Variants in GAD2 observed in about 807,000 individuals in gnomAD.
GAD2 encodes 65 kDa glutamic acid decarboxylase.
In GAD2, 22 loss-of-function variants were observed where a neutral mutation model predicts 80.1. That is an observed-to-expected ratio of 0.27 (90% CI 0.20 to 0.39). The LOEUF is 0.39. Among genes scored for constraint, GAD2 ranks in the 10% least tolerant of loss-of-function variants. GAD2 has a pLI of 1.00. For missense variants in GAD2, 624 were observed against 738.4 expected (o/e 0.85, Z 1.80); for synonymous variants, 274 against 256.9 (o/e 1.07, Z -0.64).
intron 13 of GAD2, among the ~76,000 whole-genome samples, chr10:26,292,200 T>C (rs941629919): frequency 3.3e-5 from 5 of 152,140 alleles, no homozygotes; most frequent in African/African-American, 1.2e-4. Context: ...TCCTCTTGAG[T>C]AGTCAAACTA....
intron 7 of GAD2, among the ~76,000 whole-genome samples, 187 bp from the exon 8 acceptor site, chr10:26,245,734 G>A (rs1180553573): frequency 1.3e-5 from 2 of 152,076 alleles, no homozygotes; most frequent in Non-Finnish European, 2.9e-5. Flanking sequence ...GAGCCACCAC[G>A]CCCAGCTGTT....
chr10:26,292,846 G>T, intron 14 of GAD2, 56 bp from the exon 15 acceptor site: 1 of 1,400,544 alleles, frequency 7.1e-7, no homozygotes. Flanking sequence ...AATGTTCTTG[G>T]AATTTTCAAA....
chr10:26,220,418 C>CT (rs1226400342), intron 4 of GAD2, among the ~76,000 whole-genome samples: 2 of 152,082 alleles, frequency 1.3e-5, no homozygotes, highest in Non-Finnish European at 2.9e-5. Flanking sequence ...AAGTTTAGTT[C>CT]TTTTTTTCTT....
At position 26,280,479 on chromosome 10, in the gene GAD2, G is replaced by A. The variant is rs181296514; in HGVS notation, c.1158-530G>A. On this transcript the variant is annotated intron_variant, in intron 11 of 15. Transcript: ENST00000376261. ...GGAGGGGCCTTCCAGGTCATAGGTA[G>A]CTAAGAGACAAATGGTTGCATTCTT... Among the ~76,000 whole-genome samples the A allele has an allele frequency of 7.2e-5, 11 of 152,266 alleles. No homozygotes were observed. The East Asian group carries it at 2.1e-3, about 29-fold the overall frequency.
intron 7 of GAD2, among the ~76,000 whole-genome samples, chr10:26,245,596 C>T (rs1405256076): frequency 3.3e-5 from 5 of 151,606 alleles, no homozygotes; most frequent in Non-Finnish European, 7.4e-5. Context: ...CGCCACCACA[C>T]CCGGCTAATT....
At chr10:26,298,303 G>A (rs1369979254) in intron 15 of GAD2, among the ~76,000 whole-genome samples, 1 of 152,138 alleles carries the variant, frequency 6.6e-6, no homozygotes, top group Non-Finnish European at 1.5e-5. Context: ...AGAATAGTCC[G>A]AATCTTATTT....
At chr10:26,235,215 A>G (rs376853317) in intron 7 of GAD2, among the ~76,000 whole-genome samples, 1 of 152,192 alleles carries the variant, frequency 6.6e-6, no homozygotes, top group African/African-American at 2.4e-5. Context: ...CTACTGAACC[A>G]GGTCACATTA....
intron 12 of GAD2, among the ~76,000 whole-genome samples, chr10:26,285,765 T>TG (rs1203699396): frequency 8.2e-6 from 1 of 122,688 alleles, no homozygotes; most frequent in East Asian, 2.2e-4. Flanking sequence ...TTGCAATATG[T>TG]GGGTTTTTTT....
chr10:26,259,989 C>A (rs985343328), intron 8 of GAD2, among the ~76,000 whole-genome samples: 19 of 151,994 alleles, frequency 1.3e-4, no homozygotes, highest in African/African-American at 3.9e-4. Flanking sequence ...AATAAAAGAA[C>A]CTAGATATAA....
intron 15 of GAD2, among the ~76,000 whole-genome samples, chr10:26,294,035 T>C (rs1834247504): frequency 6.6e-6 from 1 of 152,242 alleles, no homozygotes; most frequent in Non-Finnish European, 1.5e-5. Flanking sequence ...CCAGCACTTA[T>C]ACATGGGTGA....
chr10:26,246,103 C>A, intron 8 of GAD2, 103 bp downstream of exon 8: 1 of 821,814 alleles, frequency 1.2e-6, no homozygotes, highest in Non-Finnish European at 2.0e-6. Flanking sequence ...GCAGCAAGTC[C>A]ACCTCCCTCC....
intron 6 of GAD2, among the ~76,000 whole-genome samples, chr10:26,229,360 C>T (rs1172091040): frequency 6.6e-6 from 1 of 151,982 alleles, no homozygotes; most frequent in Non-Finnish European, 1.5e-5. Context: ...TGCTCACAAG[C>T]TGGGATGGAG....
intron 6 of GAD2, among the ~76,000 whole-genome samples, chr10:26,228,537 C>A (rs566865961): frequency 6.6e-6 from 1 of 152,174 alleles, no homozygotes; most frequent in Non-Finnish European, 1.5e-5. Context: ...GGGTCCCCAA[C>A]CCCCTGGTGG....
At chr10:26,288,757 T>C (rs1046936386) in intron 13 of GAD2, among the ~76,000 whole-genome samples, 6 of 152,140 alleles carry the variant, frequency 3.9e-5, no homozygotes, top group Admixed American at 3.9e-4. Context: ...TGATCATCAG[T>C]GATATTTATA....
intron 13 of GAD2, among the ~76,000 whole-genome samples, chr10:26,290,963 A>T (rs911266489): frequency 7.2e-5 from 11 of 152,192 alleles, no homozygotes; most frequent in African/African-American, 2.7e-4. Context: ...ATGGCCCATG[A>T]TCATCCCCAT....
At chr10:26,241,438 C>A (rs1844740463) in intron 7 of GAD2, among the ~76,000 whole-genome samples, 1 of 152,172 alleles carries the variant, frequency 6.6e-6, no homozygotes, top group South Asian at 2.1e-4. Flanking sequence ...AGGATGCTGT[C>A]CTCTCCAGCA....
At chr10:26,293,281 G>A (rs1453871076) in intron 15 of GAD2, among the ~76,000 whole-genome samples, 2 of 145,372 alleles carry the variant, frequency 1.4e-5, no homozygotes, top group Non-Finnish European at 3.0e-5. Context: ...GGGTTCAAGC[G>A]ATTCTCCTGC....
intron 10 of GAD2, among the ~76,000 whole-genome samples, chr10:26,272,055 T>C (rs1340922485): frequency 6.6e-6 from 1 of 152,186 alleles, no homozygotes; most frequent in Non-Finnish European, 1.5e-5. Flanking sequence ...CCACCACACC[T>C]GGCCTCATTA....
chr10:26,287,825 G>A (rs942351627), intron 13 of GAD2, among the ~76,000 whole-genome samples: 4 of 152,154 alleles, frequency 2.6e-5, no homozygotes, highest in African/African-American at 9.7e-5. Flanking sequence ...GATACCATGA[G>A]GTCCTTTATG....
Sources: allele counts gnomAD v4.1 joint callset (sites outside exome capture counted in the v4.1 genomes callset), GRCh38; gene constraint gnomAD v4.1.1; transcripts MANE v1.5; gene names NCBI Gene and HGNC (gene_info 2026-07-23, HGNC 2026-07-21).